Variants in CFAP54 observed in about 807,000 individuals in gnomAD.
CFAP54 encodes cilia and flagella associated protein 54, also known as cilia- and flagella-associated protein 54.
CFAP54 carries 290 observed loss-of-function variants against 370.4 expected under a neutral mutation model. The ratio of observed to expected loss-of-function variants is 0.78; its 90% confidence interval spans 0.71 to 0.86. The LOEUF (loss-of-function observed/expected upper bound fraction) is 0.86. Ranked by LOEUF, CFAP54 falls within the 40% of genes least tolerant of loss-of-function variation. CFAP54 has a pLI of 0.00. For missense variants in CFAP54, 3,399 were observed against 3,528.7 expected, an observed-to-expected ratio of 0.96 and a Z score of 0.93; for synonymous variants, 1,206 against 1,236.5, an observed-to-expected ratio of 0.98 and a Z score of 0.52.
Position 96,547,960 on chromosome 12 carries a change from A to T in CFAP54, c.2136A>T (p.Glu712Asp), listed in dbSNP as rs990097291. Residue 712 changes from glutamate to aspartate, a missense_variant, in exon 15 of 68, where the codon GAA (glutamate) becomes GAT (aspartate). Coordinates refer to ENST00000524981, the MANE Select transcript of CFAP54 (RefSeq NM_001306084.2). ...CTGGAGCTCCAAAAGGGATCACAGA[A>T]ATTCTTCCAATATTACAGGTATTAC... ...KFPGAPKGIT[E>D]ILPILQKNPV... 1 of 1,481,314 alleles carries T rather than the reference A, an allele frequency of 6.8e-7. No homozygotes were observed. Among genetic ancestry groups the T allele is most frequent in the Non-Finnish European group, 9.0e-7 (1 of 1,111,258 alleles). The allele number at this position is 1,481,314 out of a possible 1,614,324, so 91.8% of individuals were successfully genotyped here.
At chr12:96,655,825 T>G (rs532108422) in intron 36 of CFAP54, among the ~76,000 whole-genome samples, 60 of 152,278 alleles carry the variant, frequency 3.9e-4, no homozygotes, top group African/African-American at 1.4e-3. Flanking sequence ...GTAAACACTC[T>G]TCAGTATAAT....
intron 26 of CFAP54, among the ~76,000 whole-genome samples, chr12:96,620,234 A>C (rs1363434886): frequency 6.6e-6 from 1 of 152,156 alleles, no homozygotes; most frequent in Non-Finnish European, 1.5e-5. Context: ...ATTTATTGAT[A>C]TGGTTTGACT....
intron 22 of CFAP54, among the ~76,000 whole-genome samples, chr12:96,584,615 C>T (rs983850226): frequency 4.0e-5 from 6 of 150,826 alleles, no homozygotes; most frequent in African/African-American, 1.2e-4. Context: ...TGCTAGATGT[C>T]ATCACTTCAT....
chr12:96,532,623 C>T (rs188856496), intron 9 of CFAP54, among the ~76,000 whole-genome samples: 30 of 151,972 alleles, frequency 2.0e-4, no homozygotes, highest in African/African-American at 6.5e-4. Flanking sequence ...CCCATTATAC[C>T]GTGCCCTTTT....
At chr12:96,813,754 G>A (rs1565987535) in intron 64 of CFAP54, among the ~76,000 whole-genome samples, 1 of 152,190 alleles carries the variant, frequency 6.6e-6, no homozygotes, top group Non-Finnish European at 1.5e-5. Flanking sequence ...CAGACCCTGG[G>A]AGAGAGTGCC....
chr12:96,630,468 G>C, intron 31 of CFAP54, 83 bp from the exon 32 acceptor site: 3 of 735,956 alleles, frequency 4.1e-6, no homozygotes, highest in Non-Finnish European at 6.1e-6. Flanking sequence ...AATGTCAAGA[G>C]ATAAGCATTA....
intron 66 of CFAP54, among the ~76,000 whole-genome samples, chr12:96,837,918 A>G (rs1959191565): frequency 6.6e-6 from 1 of 152,252 alleles, no homozygotes; most frequent in Non-Finnish European, 1.5e-5. Flanking sequence ...AGAATTAAGC[A>G]GCACTCCATG....
intron 57 of CFAP54, among the ~76,000 whole-genome samples, chr12:96,756,918 A>G (rs2042969158): frequency 1.3e-5 from 2 of 152,100 alleles, no homozygotes; most frequent in Admixed American, 1.3e-4. Context: ...TCTGGTCATC[A>G]GGACCAGGAC....
chr12:96,507,716 G>A (rs755103620), intron 4 of CFAP54, among the ~76,000 whole-genome samples: 4 of 152,150 alleles, frequency 2.6e-5, no homozygotes, highest in Non-Finnish European at 5.9e-5. Context: ...TGTGTTCGAT[G>A]TGCATAAGAC....
chr12:96,694,776 C>A (rs1178087476), intron 45 of CFAP54, among the ~76,000 whole-genome samples: 1 of 151,880 alleles, frequency 6.6e-6, no homozygotes, highest in African/African-American at 2.4e-5. Flanking sequence ...GTAATCCCAG[C>A]ACTTTGGGAG....
At chr12:96,806,537 G>T (rs1274707690) in intron 63 of CFAP54, among the ~76,000 whole-genome samples, 4 of 151,964 alleles carry the variant, frequency 2.6e-5, no homozygotes, top group Admixed American at 2.6e-4. Flanking sequence ...TCTGTTTCAG[G>T]TTCCCAAACA....
At chr12:96,675,258 C>G in intron 39 of CFAP54, among the ~76,000 whole-genome samples, 1 of 152,118 alleles carries the variant, frequency 6.6e-6, no homozygotes, top group South Asian at 2.1e-4. Flanking sequence ...ACAAACAACC[C>G]CATCAACAAG....
chr12:96,725,156 C>T (rs1175350778), intron 50 of CFAP54, among the ~76,000 whole-genome samples: 6 of 151,960 alleles, frequency 3.9e-5, no homozygotes, highest in Non-Finnish European at 5.9e-5. Flanking sequence ...CTTGGCGATG[C>T]GGGCTCTTTT....
At chr12:96,577,537 T>C (rs901679301) in intron 20 of CFAP54, among the ~76,000 whole-genome samples, 14 of 152,140 alleles carry the variant, frequency 9.2e-5, no homozygotes, top group Non-Finnish European at 1.8e-4. Flanking sequence ...CTTGGTATAG[T>C]AGAGAGAACA....
intron 39 of CFAP54, among the ~76,000 whole-genome samples, chr12:96,665,250 C>T (rs767282500): frequency 6.6e-5 from 10 of 151,926 alleles, no homozygotes; most frequent in Non-Finnish European, 1.0e-4. Flanking sequence ...GAAAAATTGT[C>T]TCCCACCATA....
At chr12:96,623,037 A>T (rs1956516914) in intron 27 of CFAP54, among the ~76,000 whole-genome samples, 1 of 152,066 alleles carries the variant, frequency 6.6e-6, no homozygotes. Flanking sequence ...CTTCCACATC[A>T]TGGTAGGACA....
chr12:96,540,640 A>G (rs974977160), intron 13 of CFAP54, among the ~76,000 whole-genome samples, 197 bp from the exon 14 acceptor site: 4 of 152,266 alleles, frequency 2.6e-5, no homozygotes, highest in African/African-American at 7.2e-5. Context: ...CAGATTGATT[A>G]CTAAATATCA....
intron 66 of CFAP54, among the ~76,000 whole-genome samples, chr12:96,842,203 C>T (rs12578912): frequency 0.011 from 1,716 of 152,124 alleles, 80 homozygotes; most frequent in East Asian, 0.11. Flanking sequence ...GATATTATTT[C>T]TCAACCATCC....
chr12:96,817,139 A>G (rs1201209848), intron 64 of CFAP54, among the ~76,000 whole-genome samples: 1 of 152,206 alleles, frequency 6.6e-6, no homozygotes, highest in Admixed American at 6.5e-5. Context: ...GCTTTTGCCT[A>G]GATTTTGTTT....
Sources: gnomAD v4.1 joint callset for allele counts (sites outside exome capture counted in the v4.1 genomes callset) on GRCh38, gnomAD v4.1.1 for gene constraint, MANE v1.5 for transcripts, NCBI Gene and HGNC (gene_info 2026-07-23, HGNC 2026-07-21) for gene names.